Variants in HS6ST3 observed in about 807,000 individuals in gnomAD.
HS6ST3 encodes the protein heparan-sulfate 6-O-sulfotransferase 3.
A neutral mutation model predicts 36.7 loss-of-function variants in HS6ST3; 12 were observed. The ratio of observed to expected loss-of-function variants is 0.33; its 90% CI spans 0.21 to 0.53. HS6ST3 has a LOEUF of 0.53. Among genes scored for constraint, HS6ST3 ranks in the 20% least tolerant of loss-of-function variants. HS6ST3 has a pLI of 0.95. For missense variants in HS6ST3, 584 were observed against 640.9 expected, an observed-to-expected ratio of 0.91 and a Z score of 0.96; for synonymous variants, 240 against 257.5, an observed-to-expected ratio of 0.93 and a Z score of 0.65.
intron 1 of HS6ST3, among the ~76,000 whole-genome samples, chr13:96,487,028 A>G (rs2055918750): frequency 6.6e-6 from 1 of 152,172 alleles, no homozygotes; most frequent in Non-Finnish European, 1.5e-5. Flanking sequence ...ATGTAAGGTA[A>G]ATAAAGCTAA....
At chr13:96,140,257 CTG>C (rs1223543241) in intron 1 of HS6ST3, among the ~76,000 whole-genome samples, 1 of 152,112 alleles carries the variant, frequency 6.6e-6, no homozygotes, top group Admixed American at 6.5e-5. Flanking sequence ...ATGAAATTAA[CTG>C]TATATATATT....
At chr13:96,381,601 A>G (rs1566343976) in intron 1 of HS6ST3, among the ~76,000 whole-genome samples, 2 of 152,138 alleles carry the variant, frequency 1.3e-5, no homozygotes, top group Non-Finnish European at 2.9e-5. Flanking sequence ...TGAGGCTGAA[A>G]TGAGCTCAGC....
rs150907798 is a variant in HS6ST3, at chr13:96,468,699, C to T, written c.708-363791C>T. On this transcript the variant is annotated intron_variant, in intron 1 of 1. Coordinates refer to ENST00000376705, the MANE Select transcript of HS6ST3 (RefSeq NM_153456.4). Reference sequence around the variant, plus strand: ...TAAACAACAAGAGAAATCTACTATACGTATCCTATAGAGCCTTGTTTACAG... The same window carrying T: ...TAAACAACAAGAGAAATCTACTATATGTATCCTATAGAGCCTTGTTTACAG... 2.8e-3 allele frequency among the ~76,000 whole-genome samples: 421 copies of T among 152,248 alleles called. 3 individuals are homozygous for T. The highest frequency in any genetic ancestry group is 9.5e-3 in the African/African-American group (393 of 41,554).
chr13:96,298,945 A>G lies in HS6ST3; in HGVS notation c.707+207376A>G, dbSNP rs556640402. Among the ~76,000 whole-genome samples, 6 of 152,330 alleles carry G rather than the reference A, an allele frequency of 3.9e-5. No homozygotes were observed. The South Asian group carries it at 1.2e-3, about 32-fold the overall frequency. ...ATATCCTTTTTAAATTTGTAAGTTC[A>G]GTTGTAGTAGAGAAAAATGTATTTT... On this transcript the variant is annotated intron_variant, in intron 1 of 1. Coordinates refer to ENST00000376705, the MANE Select transcript of HS6ST3 (RefSeq NM_153456.4).
intron 1 of HS6ST3, among the ~76,000 whole-genome samples, chr13:96,514,398 C>CTACA (rs1428458240): frequency 6.6e-6 from 1 of 152,170 alleles, no homozygotes; most frequent in Non-Finnish European, 1.5e-5. Flanking sequence ...ATGCCATTTT[C>CTACA]TACAGGTGGC....
At chr13:96,729,085 T>C (rs896849199) in intron 1 of HS6ST3, among the ~76,000 whole-genome samples, 1 of 152,174 alleles carries the variant, frequency 6.6e-6, no homozygotes, top group South Asian at 2.1e-4. Context: ...CAAACTTAGA[T>C]AACAAATATA....
chr13:96,823,418 A>G (rs1878579065), intron 1 of HS6ST3, among the ~76,000 whole-genome samples: 1 of 152,204 alleles, frequency 6.6e-6, no homozygotes, highest in Admixed American at 6.5e-5. Context: ...GCTCTTCTGG[A>G]AGAACATTGT....
chr13:96,382,831 T>C (rs1288718998), intron 1 of HS6ST3, among the ~76,000 whole-genome samples: 1 of 152,218 alleles, frequency 6.6e-6, no homozygotes, highest in South Asian at 2.1e-4. Flanking sequence ...TTCTCTCACC[T>C]TATCTACTTT....
intron 1 of HS6ST3, among the ~76,000 whole-genome samples, chr13:96,642,871 T>C (rs778191900): frequency 5.9e-5 from 9 of 151,970 alleles, no homozygotes; most frequent in Non-Finnish European, 1.2e-4. Flanking sequence ...ATTTAAAGTC[T>C]TTGTAGTAAG....
intron 1 of HS6ST3, among the ~76,000 whole-genome samples, chr13:96,419,900 A>C (rs1181210427): frequency 6.6e-6 from 1 of 152,142 alleles, no homozygotes; most frequent in East Asian, 1.9e-4. Flanking sequence ...TCTTAAATTG[A>C]TTGCACCTGC....
chr13:96,701,993 G>A (rs1398773276), intron 1 of HS6ST3, among the ~76,000 whole-genome samples: 1 of 152,130 alleles, frequency 6.6e-6, no homozygotes, highest in Admixed American at 6.6e-5. Flanking sequence ...AAAGGGATCT[G>A]AGGGAAACAT....
At chr13:96,284,918 T>TCTTG in intron 1 of HS6ST3, among the ~76,000 whole-genome samples, 1 of 63,102 alleles carries the variant, frequency 1.6e-5, no homozygotes, top group Non-Finnish European at 3.6e-5. Flanking sequence ...TTGCTTTCTT[T>TCTTG]CTTTCTTTCT....
chr13:96,658,131 TG>T (rs1390948415), intron 1 of HS6ST3, among the ~76,000 whole-genome samples: 1 of 152,126 alleles, frequency 6.6e-6, no homozygotes, highest in Non-Finnish European at 1.5e-5. Flanking sequence ...TTTGTGTGTC[TG>T]GATTCTCAAC....
chr13:96,444,954 C>A (rs1458597458), intron 1 of HS6ST3, among the ~76,000 whole-genome samples: 2 of 152,034 alleles, frequency 1.3e-5, no homozygotes, highest in Non-Finnish European at 2.9e-5. Flanking sequence ...AGATTTAGAG[C>A]ATACTATGCT....
intron 1 of HS6ST3, among the ~76,000 whole-genome samples, chr13:96,779,316 C>CAATAATAATAAT (rs67524779): frequency 3.0e-4 from 44 of 147,454 alleles, no homozygotes; most frequent in African/African-American, 1.1e-3. Flanking sequence ...CTTAAAGTAT[C>CAATAATAATAAT]AATAATAATA....
chr13:96,701,945 G>T (rs1186992835), intron 1 of HS6ST3, among the ~76,000 whole-genome samples: 1 of 152,160 alleles, frequency 6.6e-6, no homozygotes, highest in East Asian at 1.9e-4. Context: ...CTAGATGACA[G>T]AGTGAGACCA....
intron 1 of HS6ST3, among the ~76,000 whole-genome samples, chr13:96,483,884 A>C (rs1209834977): frequency 6.6e-6 from 1 of 152,190 alleles, no homozygotes; most frequent in South Asian, 2.1e-4. Context: ...TTTGCACTTA[A>C]CATTTAGGTC....
chr13:96,548,907 AGT>A (rs1243047205), intron 1 of HS6ST3, among the ~76,000 whole-genome samples: 1 of 152,230 alleles, frequency 6.6e-6, no homozygotes. Flanking sequence ...CTCTTGTGGA[AGT>A]ATACAGAATC....
intron 1 of HS6ST3, among the ~76,000 whole-genome samples, chr13:96,117,459 C>T (rs1484092719): frequency 6.6e-6 from 1 of 152,132 alleles, no homozygotes; most frequent in Non-Finnish European, 1.5e-5. Context: ...AGAGGAAGAA[C>T]ACATTTTCAG....
Sources: gnomAD v4.1 joint callset for allele counts (sites outside exome capture counted in the v4.1 genomes callset) on GRCh38, gnomAD v4.1.1 for gene constraint, MANE v1.5 for transcripts, NCBI Gene and HGNC (gene_info 2026-07-23, HGNC 2026-07-21) for gene names.